The following SEC23B variants were observed in gnomAD, a reference collection of about 807,000 sequenced individuals.
The protein encoded by SEC23B is protein transport protein Sec23B.
Under a neutral mutation model 104.3 loss-of-function variants are expected in SEC23B, and 77 were observed. The ratio of observed to expected loss-of-function variants is 0.74; its 90% CI spans 0.61 to 0.89. The LOEUF (loss-of-function observed/expected upper bound fraction) is 0.89. Ranked by LOEUF, SEC23B falls within the 40% of genes least tolerant of loss-of-function variation. The probability of loss-of-function intolerance (pLI) is 0.00; values close to 1 mark genes in which losing one functional copy is unlikely to be tolerated. For synonymous variants in SEC23B, 338 were observed against 332.5 expected (o/e 1.02, Z -0.18); for missense variants, 885 against 949.4 (o/e 0.93, Z 0.89).
In SEC23B at chr20:18,530,741, A is replaced by G; in HGVS notation, c.1171A>G (p.Ile391Val). 6.2e-7 allele frequency: 1 copy of G among 1,613,632 alleles called. No homozygotes were observed. The highest frequency in any genetic ancestry group is 8.5e-7 in the Non-Finnish European group (1 of 1,179,640). The change falls in exon 10 of 20, where the codon ATC (isoleucine) becomes GTC (valine). Residue 391 changes from isoleucine to valine, a missense_variant. Coordinates refer to ENST00000650089, the MANE Select transcript of SEC23B (RefSeq NM_006363.6). ...TSLFKQTFQRIFTKDFNGDFR... is the reference protein window; with the variant it reads ...TSLFKQTFQRVFTKDFNGDFR... ...TCTCTTCAAGCAGACATTCCAAAGA[A>G]TCTTTACTAAAGATTTTAATGGAGA...
At position 18,548,628 on chromosome 20, in the gene SEC23B, G is replaced by A; in HGVS notation, c.1763G>A (p.Arg588Lys). 1 of 1,614,080 alleles carries A rather than the reference G, an allele frequency of 6.2e-7. No individual in the cohort carries two copies. The highest frequency in any genetic ancestry group is 1.3e-5 in the African/African-American group (1 of 75,034). The change falls in exon 16 of 20, where the codon AGA becomes AAA. Residue 588 changes from arginine to lysine, a missense_variant. By Grantham distance (26) the Arg-to-Lys change is conservative. Transcript: ENST00000650089. Reference protein sequence around the residue: ...LYPQFMFHLRRSPFLQVFNNS... With the variant: ...LYPQFMFHLRKSPFLQVFNNS... ...ATGCAGTTTATGTTCCATCTGAGAAGATCTCCATTTCTTCAAGTGTTTAAC... is the reference window on the plus strand; with the variant it reads ...ATGCAGTTTATGTTCCATCTGAGAAAATCTCCATTTCTTCAAGTGTTTAAC...
At position 18,542,359 on chromosome 20, in the gene SEC23B, T is replaced by G. The variant is rs764711408; in HGVS notation, c.1468T>G (p.Ser490Ala). ...CCAGTTTGTCACGCATTATCAGCAC[T>G]CCAGCACCCAGAGACGCATCCGCGT... ...AIQFVTHYQH[S>A]STQRRIRVTT... Residue 490 changes from serine to alanine, a missense_variant, in exon 13 of 20, where the codon TCC becomes GCC. By Grantham distance (99) the Ser-to-Ala change is moderately conservative. Coordinates refer to ENST00000650089, the MANE Select transcript of SEC23B (RefSeq NM_006363.6). The G allele has an allele frequency of 6.2e-7, 1 of 1,614,084 alleles. No homozygotes were observed. The highest frequency in any genetic ancestry group is 8.5e-7 in the Non-Finnish European group (1 of 1,180,044).
At chr20:18,527,344 C>T in intron 8 of SEC23B, 152 bp from the exon 9 acceptor site, 1 of 688,800 alleles carries the variant, frequency 1.5e-6, no homozygotes, top group East Asian at 2.7e-5. Flanking sequence ...CACCACTGCA[C>T]TCTAGCCTGG....
At chr20:18,560,535 A>G in intron 19 of SEC23B, 116 bp from the exon 20 acceptor site, 1 of 782,034 alleles carries the variant, frequency 1.3e-6, no homozygotes, top group Non-Finnish European at 2.3e-6. Flanking sequence ...TGATGGGAGT[A>G]CTCGTAGCAG....
chr20:18,513,290 G>A (rs567044969), intron 3 of SEC23B, among the ~76,000 whole-genome samples: 35 of 152,092 alleles, frequency 2.3e-4, no homozygotes, highest in Non-Finnish European at 5.0e-4. Flanking sequence ...GGAGGTTGCA[G>A]TGAGCTGAGA....
chr20:18,549,713 A>T (rs2060368287), intron 16 of SEC23B, among the ~76,000 whole-genome samples: 1 of 152,190 alleles, frequency 6.6e-6, no homozygotes, highest in East Asian at 1.9e-4. Flanking sequence ...TTTATCGAGT[A>T]CCACTTACTT....
At chr20:18,527,431 G>T in intron 8 of SEC23B, 65 bp from the exon 9 acceptor site, 1 of 888,696 alleles carries the variant, frequency 1.1e-6, no homozygotes. Context: ...ACCTCCTTCG[G>T]TAATTCAGGC....
At chr20:18,520,381 G>C (rs2060072010) in intron 4 of SEC23B, among the ~76,000 whole-genome samples, 1 of 148,560 alleles carries the variant, frequency 6.7e-6, no homozygotes, top group African/African-American at 2.5e-5. Context: ...GGTTTTAATG[G>C]GATAGTAATG....
chr20:18,530,058 T>C (rs1285671444), intron 9 of SEC23B, among the ~76,000 whole-genome samples: 1 of 152,156 alleles, frequency 6.6e-6, no homozygotes, highest in Non-Finnish European at 1.5e-5. Flanking sequence ...ATTCAGTATT[T>C]TGAGGCAGTA....
At chr20:18,537,249 C>A (rs940184561) in intron 12 of SEC23B, among the ~76,000 whole-genome samples, 1 of 151,416 alleles carries the variant, frequency 6.6e-6, no homozygotes, top group Non-Finnish European at 1.5e-5. Flanking sequence ...GGTATATACC[C>A]AAAGGACTAT....
chr20:18,527,643 A>G lies in SEC23B; in HGVS notation c.1109+32A>G, dbSNP rs753056084. ...TGACAGTGAAAACCTGGGCAGAGTG[A>G]CAGTGTTATTTTAAGGAAAGAGAAA... On this transcript the variant is annotated intron_variant, in intron 9 of 19. Coordinates refer to ENST00000650089, the MANE Select transcript of SEC23B (RefSeq NM_006363.6). The G allele has an allele frequency of 3.8e-6, 5 of 1,324,208 alleles. No individual in the cohort carries two copies. In the South Asian group the frequency reaches 5.9e-5, roughly 16 times the overall value. The allele number at this position is 1,324,208 out of a possible 1,614,324, so 82.0% of individuals were successfully genotyped here.
At chr20:18,523,638 T>C (rs1358845994) in intron 4 of SEC23B, among the ~76,000 whole-genome samples, 2 of 151,724 alleles carry the variant, frequency 1.3e-5, no homozygotes, top group Admixed American at 1.3e-4. Context: ...CCTGACCTCG[T>C]GATCCACCTG....
chr20:18,532,702 A>T lies in SEC23B; in HGVS notation c.1272A>T (p.Pro424=), dbSNP rs1203111447. ...TGAAGATTGCAGGAGCCATTGGTCC[A>T]TGCGTATCTCTGAATGTGAAAGGAC... The part of the protein sequence containing the change: ...RELKIAGAIG[P]CVSLNVKGPC... Residue 424 remains proline (P), a synonymous_variant, in exon 11 of 20, where the codon CCA becomes CCT. Transcript: ENST00000650089. The T allele has an allele frequency of 1.2e-6, 2 of 1,613,986 alleles. No individual in the cohort carries two copies. The highest frequency in any genetic ancestry group is 2.2e-5 in the South Asian group (2 of 91,082).
Position 18,526,485 on chromosome 20 carries a change from A to G in SEC23B, c.947A>G (p.His316Arg). The stretch of plus-strand genomic sequence containing the variant: ...TTAAAGATTCCTATTCGTTCTTGGC[A>G]TGATATTGAGAAAGATAATGCACGA... ...DELKIPIRSW[H>R]DIEKDNARFM... The change falls in exon 8 of 20, where the codon CAT (histidine) becomes CGT (arginine). Residue 316 changes from histidine to arginine, a missense_variant. Transcript: ENST00000650089. 6.2e-7 allele frequency: 1 copy of G among 1,614,180 alleles called. No homozygotes were observed. Among genetic ancestry groups the G allele is most frequent in the Non-Finnish European group, 8.5e-7 (1 of 1,180,024 alleles).
intron 13 of SEC23B, 142 bp downstream of exon 13, chr20:18,542,544 G>A: frequency 1.1e-6 from 1 of 895,956 alleles, no homozygotes; most frequent in Admixed American, 2.0e-5. Flanking sequence ...GATCAGAGGA[G>A]GAGGCATTTT....
Position 18,509,117 on chromosome 20 carries a change from C to T in SEC23B, c.-15+1145C>T, listed in dbSNP as rs189059142. ...TGAGAGTTGTGATAGAACTTGCTTT[C>T]ATTCCGACTTTAGTTATCCCTTTGC... On this transcript the variant is annotated intron_variant, in intron 1 of 19. Coordinates refer to ENST00000650089, the MANE Select transcript of SEC23B (RefSeq NM_006363.6). Among the ~76,000 whole-genome samples the T allele has an allele frequency of 1.8e-3, 267 of 152,346 alleles. 1 individual carries two copies. The highest frequency in any genetic ancestry group is 3.5e-3 in the Non-Finnish European group (236 of 68,036).
At chr20:18,512,352 G>A in intron 3 of SEC23B, 70 bp downstream of exon 3, 1 of 1,032,928 alleles carries the variant, frequency 9.7e-7, no homozygotes, top group Non-Finnish European at 1.5e-6. Flanking sequence ...ATTAAGTTAG[G>A]TTGAATTTGT....
chr20:18,547,844 A>G (rs2060347070), intron 15 of SEC23B, among the ~76,000 whole-genome samples: 1 of 152,208 alleles, frequency 6.6e-6, no homozygotes, highest in Non-Finnish European at 1.5e-5. Context: ...TGCCTGGCAC[A>G]GTGACTCTGG....
intron 19 of SEC23B, among the ~76,000 whole-genome samples, chr20:18,555,569 T>G (rs1358356504): frequency 7.2e-5 from 11 of 152,008 alleles, no homozygotes; most frequent in Admixed American, 7.2e-4. Flanking sequence ...TCCCTTTTCT[T>G]CCCCCAACCC....
Sources: allele counts gnomAD v4.1 joint callset (sites outside exome capture counted in the v4.1 genomes callset), GRCh38; gene constraint gnomAD v4.1.1; transcripts MANE v1.5; gene names NCBI Gene and HGNC (gene_info 2026-07-23, HGNC 2026-07-21).